Variants in POU3F3 observed in about 807,000 individuals in gnomAD.
POU3F3 encodes POU domain, class 3, transcription factor 3.
In POU3F3, 1 loss-of-function variant was observed where a neutral mutation model predicts 8.6. That is an observed-to-expected ratio of 0.12 (90% CI 0.04 to 0.55). The LOEUF (loss-of-function observed/expected upper bound fraction) is 0.55, where lower values mean the gene tolerates loss of function less well. Ranked by LOEUF, POU3F3 falls within the 20% of genes least tolerant of loss-of-function variation. The probability of loss-of-function intolerance (pLI) is 0.91; values close to 1 mark genes in which losing one functional copy is unlikely to be tolerated. For synonymous variants in POU3F3, 418 were observed against 327.4 expected (o/e 1.28, Z -2.99); for missense variants, 577 against 690.7 (o/e 0.84, Z 1.84).
chr2:104,904,437 A>C, the POU3F3 span, among the ~76,000 whole-genome samples: 4 of 152,176 alleles, frequency 2.6e-5, no homozygotes, highest in African/African-American at 9.7e-5. Flanking sequence ...TTATATAAAA[A>C]ATCAACCAAA....
chr2:104,870,540 G>A, the POU3F3 span, among the ~76,000 whole-genome samples: 44 of 152,146 alleles, frequency 2.9e-4, 1 homozygote, highest in Admixed American at 2.9e-3. Context: ...CCCAAGCCAG[G>A]GACTTGAAGT....
chr2:104,853,482 G>C (rs925556183), upstream of POU3F3: 9 of 152,826 alleles, frequency 5.9e-5, no homozygotes, highest in African/African-American at 2.2e-4. Flanking sequence ...GCGAGCCCCC[G>C]CTTCCCACCC....
At chr2:104,896,957 T>C in the POU3F3 span, among the ~76,000 whole-genome samples, 16 of 152,372 alleles carry the variant, frequency 1.1e-4, no homozygotes. Context: ...GGCTGTTGGA[T>C]GCCCTTTTTC....
At chr2:104,862,357 C>T (rs1362155050), downstream of POU3F3, among the ~76,000 whole-genome samples, 1 of 152,168 alleles carries the variant, frequency 6.6e-6, no homozygotes, top group African/African-American at 2.4e-5. Flanking sequence ...GCGCGCGTGC[C>T]GTGTGCATGT....
chr2:104,875,389 T>C, the POU3F3 span, among the ~76,000 whole-genome samples: 1 of 152,218 alleles, frequency 6.6e-6, no homozygotes, highest in African/African-American at 2.4e-5. Context: ...TAATTTTCTT[T>C]TTTGTTTTTT....
At chr2:104,894,792 TG>T in the POU3F3 span, among the ~76,000 whole-genome samples, 1 of 152,236 alleles carries the variant, frequency 6.6e-6, no homozygotes, top group African/African-American at 2.4e-5. Context: ...TAAGGGGAGC[TG>T]GTCTTCCTCC....
At position 104,855,844 on chromosome 2, in the gene POU3F3, G is replaced by C; in HGVS notation, c.334G>C (p.Ala112Pro). 1 of 1,085,432 alleles carries C rather than the reference G, an allele frequency of 9.2e-7. No individual in the cohort carries two copies. The highest frequency in any genetic ancestry group is 3.0e-5 in the South Asian group (1 of 32,894). 67.2% of individuals were successfully genotyped at this position (1,085,432 alleles called of 1,614,324 possible). A position where few individuals can be genotyped will look rare whatever the true frequency, so the allele number is the denominator to read the frequency against. Residue 112 changes from alanine (A) to proline (P), a missense_variant, in exon 1 of 1, where the codon GCC becomes CCC. This residue lies in a region of POU3F3 where 484 missense variants were observed against 422.6 expected (regional missense o/e 1.15). Coordinates refer to ENST00000361360, the MANE Select transcript of POU3F3 (RefSeq NM_006236.3). ...PHAAAAAAAA[A>P]AAAVEASSPW... ...CGCCGCCGCCGCCGCCGCCGCTGCCGCCGCCGCCGCCGTGGAGGCGAGCTC... is the reference window on the plus strand; with the variant it reads ...CGCCGCCGCCGCCGCCGCCGCTGCCCCCGCCGCCGCCGTGGAGGCGAGCTC...
chr2:104,884,887 G>C, the POU3F3 span, among the ~76,000 whole-genome samples: 1 of 152,146 alleles, frequency 6.6e-6, no homozygotes, highest in Non-Finnish European at 1.5e-5. Flanking sequence ...ATTTCATAAG[G>C]AATGTGGAAG....
At chr2:104,899,101 C>A in the POU3F3 span, among the ~76,000 whole-genome samples, 1 of 152,180 alleles carries the variant, frequency 6.6e-6, no homozygotes, top group Non-Finnish European at 1.5e-5. Context: ...GAATTCTAAT[C>A]CAAGGAGCAT....
the POU3F3 span, among the ~76,000 whole-genome samples, chr2:104,905,034 C>A: frequency 6.6e-6 from 1 of 152,184 alleles, no homozygotes; most frequent in East Asian, 1.9e-4. Flanking sequence ...TTAACCAGCA[C>A]AGACAACTGC....
the POU3F3 span, among the ~76,000 whole-genome samples, chr2:104,926,955 G>T: frequency 6.6e-6 from 1 of 152,128 alleles, no homozygotes; most frequent in South Asian, 2.1e-4. Context: ...GGCCTGTCAG[G>T]GGGTGAGGGG....
At chr2:104,896,787 T>G in the POU3F3 span, among the ~76,000 whole-genome samples, 1 of 152,250 alleles carries the variant, frequency 6.6e-6, no homozygotes, top group South Asian at 2.1e-4. Flanking sequence ...GAAGCCTGTT[T>G]GAGTGAAGAT....
In POU3F3 at chr2:104,854,994, C is replaced by A. The variant is rs140062057; in HGVS notation, c.-517C>A. Among the ~76,000 whole-genome samples, 1,320 of 152,300 alleles carry A rather than the reference C, an allele frequency of 8.7e-3. 7 individuals are homozygous for A. Among genetic ancestry groups the A allele is most frequent in the Non-Finnish European group, 0.014 (973 of 68,014 alleles). ...TAGCAGGTGGACGGAGCCCCGCGAC[C>A]GGGCAGAGTCCGGGCTCGCCCGAGG... On this transcript the variant is annotated 5_prime_UTR_variant, in exon 1 of 1. Transcript: ENST00000361360. This position sits in a 1 kb window ranked among gnomAD's most constrained non-coding sequence, Gnocchi z 4.5.
At chr2:104,896,391 A>G in the POU3F3 span, among the ~76,000 whole-genome samples, 65 of 152,308 alleles carry the variant, frequency 4.3e-4, no homozygotes, top group African/African-American at 1.5e-3. Context: ...CAGATGGACT[A>G]AAGAGCCCTG....
In POU3F3 at chr2:104,856,430, G is replaced by A; in HGVS notation, c.920G>A (p.Ser307Asn). ...GGGGAGPGLN[S>N]HDPHSDEDTP... ...GGCGGCGCGGGGCCTGGACTCAACA[G>A]CCACGACCCGCACTCGGACGAGGAC... is the stretch of plus-strand genomic sequence containing the variant. The change falls in exon 1 of 1, where the codon AGC becomes AAC. Residue 307 changes from serine (S) to asparagine (N), a missense_variant. Coordinates refer to ENST00000361360, the MANE Select transcript of POU3F3 (RefSeq NM_006236.3). 6.2e-7 allele frequency: 1 copy of A among 1,608,658 alleles called. No individual in the cohort carries two copies. The highest frequency in any genetic ancestry group is 8.5e-7 in the Non-Finnish European group (1 of 1,178,312).
At chr2:104,872,811 C>G in the POU3F3 span, among the ~76,000 whole-genome samples, 1 of 152,184 alleles carries the variant, frequency 6.6e-6, no homozygotes, top group Non-Finnish European at 1.5e-5. The surrounding 1 kb of genome is among the most constrained non-coding windows in gnomAD (Gnocchi z 4.6). Context: ...CAGTGCGCCT[C>G]CAGACTGGCA....
the POU3F3 span, among the ~76,000 whole-genome samples, chr2:104,865,061 G>C: frequency 6.6e-6 from 1 of 152,190 alleles, no homozygotes; most frequent in African/African-American, 2.4e-5. Context: ...AATGTCTGTG[G>C]AAATGTCCCC....
chr2:104,902,947 C>T, the POU3F3 span, among the ~76,000 whole-genome samples: 8 of 152,256 alleles, frequency 5.3e-5, no homozygotes, highest in African/African-American at 9.6e-5. Flanking sequence ...GTTCCTCCAG[C>T]GACACTCTGA....
the POU3F3 span, among the ~76,000 whole-genome samples, chr2:104,864,959 T>C: frequency 6.6e-6 from 1 of 152,234 alleles, no homozygotes; most frequent in East Asian, 1.9e-4. Flanking sequence ...CGCACATGCG[T>C]GTGAACAAAA....
Sources: gnomAD v4.1 joint callset for allele counts (sites outside exome capture counted in the v4.1 genomes callset) on GRCh38, gnomAD v4.1.1 for gene constraint, gnomAD v4.1.1 regional missense constraint, Gnocchi (gnomAD v3.1) non-coding constraint, MANE v1.5 for transcripts, NCBI Gene and HGNC (gene_info 2026-07-23, HGNC 2026-07-21) for gene names.